KAT2B: variants seen among roughly 807,000 people sequenced by gnomAD.
KAT2B encodes histone acetyltransferase KAT2B.
A neutral mutation model predicts 105.9 loss-of-function variants in KAT2B; 36 were observed. The ratio of observed to expected loss-of-function variants is 0.34; its 90% confidence interval spans 0.26 to 0.45. KAT2B has a LOEUF of 0.45. Ranked by LOEUF, KAT2B falls within the 20% of genes least tolerant of loss-of-function variation. The probability of loss-of-function intolerance (pLI) is 1.00; values close to 1 mark genes in which losing one functional copy is unlikely to be tolerated. For missense variants in KAT2B, 820 were observed against 1,021.6 expected (o/e 0.80, Z 2.69); for synonymous variants, 397 against 377.9 (o/e 1.05, Z -0.59).
intron 11 of KAT2B, among the ~76,000 whole-genome samples, chr3:20,128,946 G>GCAGT (rs1330764780): frequency 6.9e-6 from 1 of 144,360 alleles, no homozygotes; most frequent in Admixed American, 7.5e-5. Flanking sequence ...GGCGGAGGTT[G>GCAGT]CAGTGAGCCA....
At chr3:20,088,959 G>T (rs534428051) in intron 2 of KAT2B, among the ~76,000 whole-genome samples, 1 of 152,266 alleles carries the variant, frequency 6.6e-6, no homozygotes, top group Non-Finnish European at 1.5e-5. Flanking sequence ...TTTGCATGTG[G>T]ATATCCGGTT....
At chr3:20,081,560 C>T (rs1034237383) in intron 2 of KAT2B, among the ~76,000 whole-genome samples, 2 of 152,104 alleles carry the variant, frequency 1.3e-5, no homozygotes, top group Non-Finnish European at 2.9e-5. Flanking sequence ...TTCTTGTGCC[C>T]TTCACACAAA....
At chr3:20,114,191 A>T (rs1699167873) in intron 6 of KAT2B, among the ~76,000 whole-genome samples, 1 of 152,116 alleles carries the variant, frequency 6.6e-6, no homozygotes, top group Admixed American at 6.5e-5. Flanking sequence ...AAAACTTGAG[A>T]TCCATTTAGT....
At chr3:20,047,111 G>C (rs1450024308) in intron 1 of KAT2B, among the ~76,000 whole-genome samples, 1 of 151,358 alleles carries the variant, frequency 6.6e-6, no homozygotes, top group Admixed American at 6.6e-5. Context: ...TTTTGAGGCA[G>C]GGTCTTACTC....
chr3:20,061,637 C>G (rs1322817425), intron 1 of KAT2B, among the ~76,000 whole-genome samples: 2 of 151,506 alleles, frequency 1.3e-5, no homozygotes, highest in East Asian at 3.9e-4. Flanking sequence ...CTCTCCAACA[C>G]TGTTTTCTGT....
At chr3:20,127,373 A>C (rs1269937075) in intron 10 of KAT2B, 50 bp from the exon 11 acceptor site, 3 of 1,534,438 alleles carry the variant, frequency 2.0e-6, no homozygotes, top group Non-Finnish European at 2.7e-6. Context: ...CAAAAAGTAT[A>C]TTTATATAAC....
At chr3:20,088,315 T>G (rs1273943087) in intron 2 of KAT2B, among the ~76,000 whole-genome samples, 1 of 152,200 alleles carries the variant, frequency 6.6e-6, no homozygotes, top group Non-Finnish European at 1.5e-5. Flanking sequence ...CTGTTTTGGA[T>G]TTTTTGAGAC....
chr3:20,051,462 G>T (rs1391579358), intron 1 of KAT2B, among the ~76,000 whole-genome samples: 1 of 152,194 alleles, frequency 6.6e-6, no homozygotes, highest in East Asian at 1.9e-4. Flanking sequence ...GACTAGAGTT[G>T]CTATACGTTG....
intron 1 of KAT2B, among the ~76,000 whole-genome samples, chr3:20,071,393 G>T (rs923801808): frequency 6.6e-6 from 1 of 152,162 alleles, no homozygotes; most frequent in Non-Finnish European, 1.5e-5. Flanking sequence ...GTAAATAAAT[G>T]GTGAGAGTGA....
At position 20,078,772 on chromosome 3, in the gene KAT2B, C is replaced by T. The variant is rs1698466154; in HGVS notation, c.430+6313C>T. Reference sequence around the variant, plus strand: ...TTGTCACTATAGATTCCTTGCTTTTCTGCTTGTTTACAGTAGGGAATTTCT... The same window carrying T: ...TTGTCACTATAGATTCCTTGCTTTTTTGCTTGTTTACAGTAGGGAATTTCT... On this transcript the variant is annotated intron_variant, in intron 2 of 17. Transcript: ENST00000263754. Among the ~76,000 whole-genome samples, 4 of 151,488 alleles carry T rather than the reference C, an allele frequency of 2.6e-5. No homozygotes were observed. In the South Asian group the frequency reaches 8.3e-4, roughly 31 times the overall value.
intron 1 of KAT2B, among the ~76,000 whole-genome samples, chr3:20,060,376 C>A (rs780215258): frequency 1.3e-5 from 2 of 151,496 alleles, no homozygotes; most frequent in Non-Finnish European, 2.9e-5. Context: ...CCAAGGCGGG[C>A]GGATCACCTG....
At chr3:20,075,940 T>C (rs1209028578) in intron 2 of KAT2B, among the ~76,000 whole-genome samples, 1 of 151,874 alleles carries the variant, frequency 6.6e-6, no homozygotes, top group African/African-American at 2.4e-5. Context: ...TTCATACGGC[T>C]TTATCTCTAC....
rs779198091 is a variant in KAT2B at position 20,126,027 on chromosome 3, G to C, written c.1536G>C (p.Leu512=). 7.4e-6 allele frequency: 12 copies of C among 1,614,150 alleles called. No homozygotes were observed. The South Asian group carries it at 1.3e-4, about 18-fold the overall frequency. ...ACCAGAAACCAAACAAGAAGATCCT[G>C]ATGTGGCTGGTTGGCCTACAGAACG... ...SLNQKPNKKI[L]MWLVGLQNVF... The change falls in exon 10 of 18, where the codon CTG becomes CTC. Residue 512 remains leucine (L), a synonymous_variant. Coordinates refer to ENST00000263754, the MANE Select transcript of KAT2B (RefSeq NM_003884.5).
intron 7 of KAT2B, 51 bp from the exon 8 acceptor site, chr3:20,119,547 C>T (rs773002789): frequency 1.2e-6 from 2 of 1,606,714 alleles, no homozygotes. Context: ...TTCTTGTTAC[C>T]TAAGAAAGGA....
chr3:20,095,630 A>G (rs1369463644), intron 3 of KAT2B, among the ~76,000 whole-genome samples: 1 of 152,180 alleles, frequency 6.6e-6, no homozygotes, highest in Non-Finnish European at 1.5e-5. Context: ...AAAGTTGAGT[A>G]TCTTGGTTTG....
intron 15 of KAT2B, 36 bp from the exon 16 acceptor site, chr3:20,148,207 T>G: frequency 6.4e-7 from 1 of 1,573,174 alleles, no homozygotes; most frequent in Non-Finnish European, 8.7e-7. Context: ...GGTAAAACTC[T>G]AATCATTGCT....
At chr3:20,134,310 C>T (rs1186177884) in intron 11 of KAT2B, among the ~76,000 whole-genome samples, 1 of 152,104 alleles carries the variant, frequency 6.6e-6, no homozygotes, top group Non-Finnish European at 1.5e-5. Context: ...CTTTTAAGGC[C>T]TAGCTTAAAC....
At chr3:20,045,224 G>A (rs1318014167) in intron 1 of KAT2B, among the ~76,000 whole-genome samples, 1 of 151,952 alleles carries the variant, frequency 6.6e-6, no homozygotes, top group Non-Finnish European at 1.5e-5. Context: ...CGCCATGTTT[G>A]CCAGGCTGGT....
In KAT2B at chr3:20,121,874, C is replaced by T. The variant is rs887955400; in HGVS notation, c.1277-794C>T. Among the ~76,000 whole-genome samples the T allele has an allele frequency of 2.7e-5, 4 of 150,814 alleles. No individual in the cohort carries two copies. In the East Asian group the frequency reaches 5.9e-4, roughly 22 times the overall value. ...AATGAGATGAGCTGAAATCAGCCAC[C>T]CATCAGGAAACATACGAAATGAATG... On this transcript the variant is annotated intron_variant, in intron 8 of 17. Coordinates refer to ENST00000263754, the MANE Select transcript of KAT2B (RefSeq NM_003884.5).
Sources: allele counts gnomAD v4.1 joint callset (sites outside exome capture counted in the v4.1 genomes callset), GRCh38; gene constraint gnomAD v4.1.1; transcripts MANE v1.5; gene names NCBI Gene and HGNC (gene_info 2026-07-23, HGNC 2026-07-21).